TM9SF3: variants seen among roughly 807,000 people sequenced by gnomAD.
TM9SF3 encodes SM-11044-binding protein.
TM9SF3 carries 14 observed loss-of-function variants against 78.6 expected under a neutral mutation model. The ratio of observed to expected loss-of-function variants is 0.18; its 90% confidence interval spans 0.12 to 0.28. The LOEUF (loss-of-function observed/expected upper bound fraction) is 0.28, where lower values mean the gene tolerates loss of function less well. Among genes scored for constraint, TM9SF3 ranks in the 10% least tolerant of loss-of-function variants. The probability of loss-of-function intolerance (pLI) is 1.00; values close to 1 mark genes in which losing one functional copy is unlikely to be tolerated. For synonymous variants in TM9SF3, 231 were observed against 241.7 expected, an observed-to-expected ratio of 0.96 and a Z score of 0.41; for missense variants, 496 against 721.9, an observed-to-expected ratio of 0.69 and a Z score of 3.59.
rs146915153 is a variant in TM9SF3, at chr10:96,549,572, T to G, written c.960-1583A>C. Among the ~76,000 whole-genome samples the G allele has an allele frequency of 2.0e-5, 3 of 152,246 alleles. No individual in the cohort carries two copies. The East Asian group carries it at 5.8e-4, about 29-fold the overall frequency. On this transcript the variant is annotated intron_variant, in intron 7 of 14. Transcript: ENST00000371142. Reference sequence around the variant, plus strand: ...TGAAGATTAAGGGATCAAATGTGCATGAAACACCTAAAGTGAAATCTCAAT... The same window carrying G: ...TGAAGATTAAGGGATCAAATGTGCAGGAAACACCTAAAGTGAAATCTCAAT...
At chr10:96,584,896 T>C (rs1848612174) in intron 1 of TM9SF3, among the ~76,000 whole-genome samples, 1 of 152,348 alleles carries the variant, frequency 6.6e-6, no homozygotes, top group African/African-American at 2.4e-5. Context: ...ATATGGATTC[T>C]AAATTTTTTG....
chr10:96,586,636 A>T, intron 1 of TM9SF3, 98 bp downstream of exon 1: 1 of 1,037,510 alleles, frequency 9.6e-7, no homozygotes, highest in Non-Finnish European at 1.2e-6. Context: ...GCAGTGGGGC[A>T]CCACCGGGCC....
rs1183760958 is a variant in TM9SF3 at position 96,535,120 on chromosome 10, G to C, written c.1186-1930C>G. Among the ~76,000 whole-genome samples the C allele has an allele frequency of 3.3e-5, 5 of 152,124 alleles. No individual in the cohort carries two copies. In the East Asian group the frequency reaches 9.6e-4, roughly 29 times the overall value. On this transcript the variant is annotated intron_variant, in intron 9 of 14. Transcript: ENST00000371142. ...TCTGTGCACATAACAGTCAATAAAG[G>C]AATCTACAGTCTCAAAAAGACATTA...
At chr10:96,545,343 A>G (rs559283400) in intron 8 of TM9SF3, among the ~76,000 whole-genome samples, 1 of 152,312 alleles carries the variant, frequency 6.6e-6, no homozygotes, top group South Asian at 2.1e-4. Flanking sequence ...TTCTTTTAAA[A>G]CATCTGTTAC....
At chr10:96,554,983 C>T (rs1026966098) in intron 5 of TM9SF3, among the ~76,000 whole-genome samples, 2 of 151,500 alleles carry the variant, frequency 1.3e-5, no homozygotes, top group Admixed American at 1.3e-4. Flanking sequence ...ATTCCCATGC[C>T]ATCACCTCAT....
At chr10:96,557,963 AG>A (rs1239949093) in intron 5 of TM9SF3, among the ~76,000 whole-genome samples, 2 of 152,202 alleles carry the variant, frequency 1.3e-5, no homozygotes, top group Non-Finnish European at 2.9e-5. Flanking sequence ...TAGAGGGTAT[AG>A]ATCTTTGCCT....
intron 3 of TM9SF3, 96 bp from the exon 4 acceptor site, chr10:96,562,234 T>C (rs2134150931): frequency 9.7e-7 from 1 of 1,028,412 alleles, no homozygotes; most frequent in Non-Finnish European, 1.4e-6. Flanking sequence ...TTTTTTTTTT[T>C]TTACCTCCGC....
chr10:96,528,776 A>T (rs1447348479), intron 11 of TM9SF3, among the ~76,000 whole-genome samples: 1 of 152,168 alleles, frequency 6.6e-6, no homozygotes, highest in Non-Finnish European at 1.5e-5. Context: ...ACTATGGCTA[A>T]TACTTTAAAT....
At chr10:96,522,520 T>C (rs911180381) in intron 14 of TM9SF3, among the ~76,000 whole-genome samples, 190 bp from the exon 15 acceptor site, 1 of 151,874 alleles carries the variant, frequency 6.6e-6, no homozygotes, top group Non-Finnish European at 1.5e-5. Context: ...CATAATACAC[T>C]GAGTCTGACC....
intron 9 of TM9SF3, among the ~76,000 whole-genome samples, chr10:96,542,372 C>T (rs1269028334): frequency 6.6e-6 from 1 of 152,118 alleles, no homozygotes; most frequent in Non-Finnish European, 1.5e-5. Flanking sequence ...CTTTTACTCA[C>T]TAAAGAACAA....
chr10:96,548,164 G>C (rs982758976), intron 7 of TM9SF3, among the ~76,000 whole-genome samples, 175 bp from the exon 8 acceptor site: 2 of 152,174 alleles, frequency 1.3e-5, no homozygotes, highest in African/African-American at 4.8e-5. Context: ...TGAATTTGTA[G>C]TTAAAACTGC....
At chr10:96,564,412 A>G (rs529741867) in intron 3 of TM9SF3, among the ~76,000 whole-genome samples, 2 of 152,360 alleles carry the variant, frequency 1.3e-5, no homozygotes, top group East Asian at 3.9e-4. Flanking sequence ...CGGATCAGAG[A>G]AATGTCTGTG....
chr10:96,556,477 TG>T (rs889300119), intron 5 of TM9SF3, among the ~76,000 whole-genome samples: 5 of 152,222 alleles, frequency 3.3e-5, no homozygotes, highest in African/African-American at 9.6e-5. Context: ...TTAGCTCCTT[TG>T]CCTGTGCTAT....
chr10:96,530,218 A>G (rs1847880758), intron 11 of TM9SF3, among the ~76,000 whole-genome samples: 1 of 152,214 alleles, frequency 6.6e-6, no homozygotes, highest in Non-Finnish European at 1.5e-5. Flanking sequence ...TATTTTTAAA[A>G]TACAATAAAA....
At chr10:96,575,557 G>A (rs1005745982) in intron 2 of TM9SF3, among the ~76,000 whole-genome samples, 5 of 151,868 alleles carry the variant, frequency 3.3e-5, no homozygotes, top group Non-Finnish European at 5.9e-5. Context: ...TTAACAAATC[G>A]AAATTAAAGT....
intron 1 of TM9SF3, among the ~76,000 whole-genome samples, chr10:96,579,738 T>C (rs777011591): frequency 3.0e-4 from 45 of 152,344 alleles, no homozygotes; most frequent in Non-Finnish European, 5.6e-4. Flanking sequence ...TTCTTTTGTT[T>C]TGCTCCTTAC....
intron 10 of TM9SF3, among the ~76,000 whole-genome samples, chr10:96,531,757 C>G (rs1200821516): frequency 2.0e-5 from 3 of 152,118 alleles, no homozygotes; most frequent in Non-Finnish European, 4.4e-5. Flanking sequence ...CAATGCATCT[C>G]TGGTGAGGAA....
chr10:96,581,887 T>C (rs1848573574), intron 1 of TM9SF3, among the ~76,000 whole-genome samples: 1 of 152,172 alleles, frequency 6.6e-6, no homozygotes, highest in African/African-American at 2.4e-5. Flanking sequence ...TTACCAGAAG[T>C]ACACTGGGCC....
intron 14 of TM9SF3, among the ~76,000 whole-genome samples, chr10:96,525,647 T>C (rs532371995): frequency 6.6e-6 from 1 of 152,116 alleles, no homozygotes; most frequent in Non-Finnish European, 1.5e-5. Flanking sequence ...CATACATAAA[T>C]AGCCAATGGC....
Sources: allele counts gnomAD v4.1 joint callset (sites outside exome capture counted in the v4.1 genomes callset), GRCh38; gene constraint gnomAD v4.1.1; transcripts MANE v1.5; gene names NCBI Gene and HGNC (gene_info 2026-07-23, HGNC 2026-07-21).